Variants in RGS8 observed in about 807,000 individuals in gnomAD.
RGS8 encodes the protein regulator of G protein signaling 8.
In RGS8, 8 loss-of-function variants were observed where a neutral mutation model predicts 21.7. That is an observed-to-expected ratio of 0.37 (90% CI 0.22 to 0.66). The LOEUF is 0.66. Ranked by LOEUF, RGS8 falls within the 30% of genes least tolerant of loss-of-function variation. The probability of loss-of-function intolerance (pLI) is 0.59; values close to 1 mark genes in which losing one functional copy is unlikely to be tolerated. For synonymous variants in RGS8, 80 were observed against 83.6 expected, an observed-to-expected ratio of 0.96 and a Z score of 0.24; for missense variants, 157 against 217.9, an observed-to-expected ratio of 0.72 and a Z score of 1.76.
the RGS8 span, among the ~76,000 whole-genome samples, chr1:182,706,079 C>T: frequency 1.3e-5 from 2 of 151,968 alleles, no homozygotes; most frequent in Non-Finnish European, 2.9e-5. Context: ...GCCTCCTGGG[C>T]TCAAGTAATC....
chr1:182,677,558 G>A (rs1286803847), upstream of RGS8, among the ~76,000 whole-genome samples: 2 of 152,156 alleles, frequency 1.3e-5, no homozygotes, highest in Non-Finnish European at 1.5e-5. Context: ...CCTGCTCAGC[G>A]AGGTGAGACA....
At chr1:182,651,708 T>C (rs1016471476) in intron 5 of RGS8, among the ~76,000 whole-genome samples, 6 of 152,212 alleles carry the variant, frequency 3.9e-5, no homozygotes, top group Non-Finnish European at 5.9e-5. Flanking sequence ...CCACAGACTC[T>C]AGAGGGAACT....
the RGS8 span, among the ~76,000 whole-genome samples, chr1:182,720,868 T>TAC: frequency 6.8e-6 from 1 of 146,210 alleles, no homozygotes; most frequent in African/African-American, 2.5e-5. Context: ...TATACATATA[T>TAC]ACACATATAT....
chr1:182,669,252 T>A (rs1284183104), intron 3 of RGS8, among the ~76,000 whole-genome samples: 1 of 152,218 alleles, frequency 6.6e-6, no homozygotes, highest in African/African-American at 2.4e-5. Flanking sequence ...GATACTTTTT[T>A]AAAAATAACG....
At chr1:182,728,696 A>T in the RGS8 span, among the ~76,000 whole-genome samples, 1 of 152,228 alleles carries the variant, frequency 6.6e-6, no homozygotes, top group South Asian at 2.1e-4. Context: ...CAATAATTGC[A>T]TTAAGAATTA....
chr1:182,728,968 C>T, the RGS8 span, among the ~76,000 whole-genome samples: 1,012 of 152,274 alleles, frequency 6.6e-3, 13 homozygotes, highest in African/African-American at 0.023. Context: ...CAAACCTGCA[C>T]ATCCTGTACA....
chr1:182,671,613 C>A lies in RGS8; in HGVS notation c.-104+44G>T, dbSNP rs200351270. 16 of 1,551,368 alleles carry A rather than the reference C, an allele frequency of 1.0e-5. No individual in the cohort carries two copies. The Middle Eastern group carries it at 1.5e-3, about 147-fold the overall frequency. ...ATATGGATAATGCAATCGGTGCACA[C>A]AGACACCCCGGAGAAGAAAGAGAAA... On this transcript the variant is annotated intron_variant, in intron 2 of 6. Transcript: ENST00000483095.
exon 3 of RGS8, chr1:182,669,645 G>A (rs1403042683): frequency 2.5e-6 from 4 of 1,614,190 alleles, no homozygotes; most frequent in Non-Finnish European, 2.5e-6. Context: ...CAGTAAGGCC[G>A]CCATACAGGC....
intron 1 of RGS8, among the ~76,000 whole-genome samples, chr1:182,682,129 T>G (rs553762225): frequency 3.9e-5 from 6 of 152,092 alleles, no homozygotes; most frequent in Non-Finnish European, 8.8e-5. Context: ...GACAGGAAAA[T>G]TGTTCTAAGT....
the RGS8 span, among the ~76,000 whole-genome samples, chr1:182,726,845 C>T: frequency 6.6e-6 from 1 of 152,160 alleles, no homozygotes; most frequent in Non-Finnish European, 1.5e-5. Flanking sequence ...ACAGCCTGTG[C>T]ATTGCAGCAG....
chr1:182,651,879 C>G (rs1369149955), intron 5 of RGS8, among the ~76,000 whole-genome samples: 3 of 152,152 alleles, frequency 2.0e-5, no homozygotes, highest in African/African-American at 7.2e-5. Context: ...GACCCAGTGC[C>G]CTTGAGAACT....
chr1:182,682,849 T>A (rs1344853865), intron 1 of RGS8, among the ~76,000 whole-genome samples: 1 of 152,172 alleles, frequency 6.6e-6, no homozygotes, highest in African/African-American at 2.4e-5. Flanking sequence ...ATCCACACTC[T>A]TGCTCTGTCC....
rs1662996508 is a variant in RGS8 at position 182,651,183 on chromosome 1, A to G, written c.194-2880T>C. ...AGATGGACTGAGAATCATTCGTTCA[A>G]TTCAGCCATGTCTTTTAAAACAACT... On this transcript the variant is annotated intron_variant, in intron 5 of 6. Coordinates refer to ENST00000483095, the Ensembl canonical transcript of RGS8. Among the ~76,000 whole-genome samples the G allele has an allele frequency of 2.0e-5, 3 of 152,226 alleles. No individual in the cohort carries two copies. The South Asian group carries it at 6.2e-4, about 31-fold the overall frequency.
chr1:182,721,046 CATACATATATATGTGTGT>C, the RGS8 span, among the ~76,000 whole-genome samples: 3 of 68,212 alleles, frequency 4.4e-5, no homozygotes, highest in African/African-American at 1.8e-4. Context: ...TATACATATA[CATACATATATATGTGTGT>C]ATATATACAT....
chr1:182,657,867 C>T (rs1449049356), intron 5 of RGS8, among the ~76,000 whole-genome samples: 1 of 152,120 alleles, frequency 6.6e-6, no homozygotes, highest in African/African-American at 2.4e-5. Context: ...AGTCATCATA[C>T]AGAACATAAC....
chr1:182,697,602 C>G, the RGS8 span, among the ~76,000 whole-genome samples: 1 of 152,150 alleles, frequency 6.6e-6, no homozygotes, highest in South Asian at 2.1e-4. Flanking sequence ...TAAGAAGAAC[C>G]CTTACAAGAT....
the RGS8 span, among the ~76,000 whole-genome samples, chr1:182,729,836 T>G: frequency 6.6e-6 from 1 of 152,102 alleles, no homozygotes; most frequent in Non-Finnish European, 1.5e-5. Context: ...AAAGAAAAAT[T>G]TTAAGGTTGC....
chr1:182,744,304 T>C, the RGS8 span, among the ~76,000 whole-genome samples: 2 of 151,720 alleles, frequency 1.3e-5, no homozygotes, highest in Admixed American at 6.6e-5. Flanking sequence ...AAAAAAAAAA[T>C]TGTGGAGATG....
upstream of RGS8, chr1:182,672,048 CT>C (rs1664191651): frequency 2.0e-6 from 1 of 495,710 alleles, no homozygotes; most frequent in East Asian, 5.9e-5. Context: ...TGAAGCTCCT[CT>C]GGCTGCAGCT....
Sources: gnomAD v4.1 joint callset for allele counts (sites outside exome capture counted in the v4.1 genomes callset) on GRCh38, gnomAD v4.1.1 for gene constraint, MANE v1.5 for transcripts, NCBI Gene and HGNC (gene_info 2026-07-23, HGNC 2026-07-21) for gene names.